NDUFAF6: variants seen among roughly 807,000 people sequenced by gnomAD.
The protein encoded by NDUFAF6 is NADH dehydrogenase (ubiquinone) complex I, assembly factor 6.
A neutral mutation model predicts 40.8 loss-of-function variants in NDUFAF6; 45 were observed. That is an observed-to-expected ratio of 1.10 (90% confidence interval 0.87 to 1.42). NDUFAF6 has a LOEUF of 1.42. NDUFAF6 is among the 40% of genes most tolerant of loss of function. NDUFAF6 has a pLI of 0.00. For synonymous variants in NDUFAF6, 185 were observed against 155.9 expected, an observed-to-expected ratio of 1.19 and a Z score of -1.39; for missense variants, 435 against 418.5, an observed-to-expected ratio of 1.04 and a Z score of -0.34.
At chr8:95,034,083 C>T (rs745553695) in intron 2 of NDUFAF6, 1 of 457,776 alleles carries the variant, frequency 2.2e-6, no homozygotes, top group South Asian at 1.5e-5. Context: ...GAAACCCACC[C>T]ACCACCAGGA....
intron 1 of NDUFAF6, among the ~76,000 whole-genome samples, chr8:94,965,043 C>G (rs947433334): frequency 6.6e-6 from 1 of 152,294 alleles, no homozygotes; most frequent in East Asian, 1.9e-4. Context: ...GCTCTGTTCA[C>G]CTCAGTGAGC....
downstream of NDUFAF6, among the ~76,000 whole-genome samples, chr8:95,063,537 C>T (rs1157837925): frequency 6.6e-6 from 1 of 152,138 alleles, no homozygotes; most frequent in Non-Finnish European, 1.5e-5. Flanking sequence ...GCAGAGGTTG[C>T]AATGAGCCGA....
intron 2 of NDUFAF6, among the ~76,000 whole-genome samples, chr8:94,948,140 G>A (rs1352546333): frequency 2.0e-5 from 3 of 152,160 alleles, no homozygotes; most frequent in Non-Finnish European, 4.4e-5. Context: ...AATCCACTCT[G>A]TATTGGAATT....
chr8:95,051,599 C>T (rs1488125556), intron 7 of NDUFAF6, among the ~76,000 whole-genome samples: 5 of 152,010 alleles, frequency 3.3e-5, no homozygotes, highest in African/African-American at 4.8e-5. Flanking sequence ...ACCAGGTGTT[C>T]GTAGCTCAGA....
intron 1 of NDUFAF6, among the ~76,000 whole-genome samples, chr8:94,896,856 C>T (rs1398940471): frequency 2.6e-5 from 4 of 152,228 alleles, no homozygotes; most frequent in Non-Finnish European, 4.4e-5. Context: ...CGTCTCGTGA[C>T]GCCGGCAAAA....
At chr8:94,969,527 G>C (rs1455614110) in intron 1 of NDUFAF6, among the ~76,000 whole-genome samples, 1 of 152,174 alleles carries the variant, frequency 6.6e-6, no homozygotes, top group Non-Finnish European at 1.5e-5. Flanking sequence ...TGTAATCCCA[G>C]TTACTCAAGA....
intron 2 of NDUFAF6, among the ~76,000 whole-genome samples, chr8:94,999,226 C>T (rs144074389): frequency 0.01 from 1,523 of 151,252 alleles, 28 homozygotes; most frequent in African/African-American, 0.035. Flanking sequence ...CTGGTTAAAG[C>T]GATTCTCCTG....
upstream of NDUFAF6, chr8:95,023,249 T>C (rs894264703): frequency 6.6e-6 from 1 of 152,252 alleles, no homozygotes; most frequent in Non-Finnish European, 1.5e-5. Flanking sequence ...TGCACTGTCC[T>C]GGACCAGTCA....
intron 1 of NDUFAF6, among the ~76,000 whole-genome samples, chr8:94,958,824 T>C (rs1191851438): frequency 6.6e-6 from 1 of 152,180 alleles, no homozygotes; most frequent in African/African-American, 2.4e-5. Flanking sequence ...TATAGTCACA[T>C]TCTGAAGTGC....
At chr8:94,973,577 G>A (rs574995739) in intron 1 of NDUFAF6, among the ~76,000 whole-genome samples, 10 of 152,124 alleles carry the variant, frequency 6.6e-5, no homozygotes, top group African/African-American at 1.9e-4. Flanking sequence ...GTGTGGTGGC[G>A]GGCACCTTTA....
chr8:95,099,870 A>C (rs1809595945), upstream of NDUFAF6, among the ~76,000 whole-genome samples: 1 of 152,208 alleles, frequency 6.6e-6, no homozygotes, highest in Admixed American at 6.5e-5. Context: ...CGGCATCTGC[A>C]AGTGCCTATA....
intron 6 of NDUFAF6, among the ~76,000 whole-genome samples, chr8:95,047,420 C>G (rs188728180): frequency 1.3e-5 from 2 of 151,822 alleles, no homozygotes; most frequent in Non-Finnish European, 2.9e-5. Flanking sequence ...TTATTCCTAG[C>G]GTTCACCTTA....
In NDUFAF6 at chr8:95,035,438, T is replaced by A; in HGVS notation, c.298-16T>A. 1 of 1,613,416 alleles carries A rather than the reference T, an allele frequency of 6.2e-7. No individual in the cohort carries two copies. Among genetic ancestry groups the A allele is most frequent in the Non-Finnish European group, 8.5e-7 (1 of 1,179,652 alleles). On this transcript the variant is annotated splice_polypyrimidine_tract_variant and intron_variant, in intron 2 of 8. Transcript: ENST00000396124. ...TAGACAATGCATTTGCTAAAGTTTT[T>A]AAACCCTGTTTATAGGTTAAAGACT...
At position 95,086,503 on chromosome 8, in the gene NDUFAF6, C is replaced by T. The variant is rs188348026; in HGVS notation, n.213+10751C>T. 4.4e-3 allele frequency among the ~76,000 whole-genome samples: 672 copies of T among 152,336 alleles called. 1 individual carries two copies. The highest frequency in any genetic ancestry group is 7.7e-3 in the Non-Finnish European group (527 of 68,036). On this transcript the variant is annotated intron_variant and non_coding_transcript_variant, in intron 2 of 5. Coordinates refer to the NDUFAF6 transcript ENST00000523184. ...AATAGCAAACTGTCCGAAATGGCCTCCTTCCCTTAAACCCTCCTCAGAATC... is the reference window on the plus strand; with the variant it reads ...AATAGCAAACTGTCCGAAATGGCCTTCTTCCCTTAAACCCTCCTCAGAATC...
intron 1 of NDUFAF6, among the ~76,000 whole-genome samples, chr8:94,943,136 G>A (rs570335384): frequency 1.4e-4 from 21 of 152,288 alleles, no homozygotes; most frequent in Non-Finnish European, 2.9e-4. Context: ...CAGGAGTGTG[G>A]TCTCAGCTAG....
At chr8:94,901,644 C>T (rs559441604) in intron 1 of NDUFAF6, among the ~76,000 whole-genome samples, 21 of 152,232 alleles carry the variant, frequency 1.4e-4, no homozygotes, top group Non-Finnish European at 2.8e-4. Flanking sequence ...TGCAGTGGCG[C>T]GATCTCAGCT....
At chr8:95,036,602 T>C in intron 3 of NDUFAF6, 1 of 888,716 alleles carries the variant, frequency 1.1e-6, no homozygotes, top group Non-Finnish European at 1.5e-6. Context: ...TTCTATTTAT[T>C]ACTTTACACC....
chr8:95,061,484 G>A (rs898540110), downstream of NDUFAF6, among the ~76,000 whole-genome samples: 2 of 152,234 alleles, frequency 1.3e-5, no homozygotes, highest in East Asian at 3.9e-4. Flanking sequence ...GAAGGGTGTT[G>A]GAAATGGGTC....
chr8:95,010,196 C>T (rs750313112), intron 2 of NDUFAF6, among the ~76,000 whole-genome samples: 12 of 152,190 alleles, frequency 7.9e-5, no homozygotes, highest in Non-Finnish European at 1.5e-4. Context: ...TCAAGCAATT[C>T]TCCTGCCTCA....
Sources: allele counts gnomAD v4.1 joint callset (sites outside exome capture counted in the v4.1 genomes callset), GRCh38; gene constraint gnomAD v4.1.1; transcripts MANE v1.5; gene names NCBI Gene and HGNC (gene_info 2026-07-23, HGNC 2026-07-21).